The following KLHL28 variants were observed in gnomAD, a reference collection of about 807,000 sequenced individuals.
KLHL28 encodes kelch like family member 28.
In KLHL28, 22 loss-of-function variants were observed where a neutral mutation model predicts 48.3. The observed-to-expected ratio is 0.46, with a 90% CI of 0.33 to 0.65. The LOEUF is 0.65. Among genes scored for constraint, KLHL28 ranks in the 30% least tolerant of loss-of-function variants. KLHL28 has a pLI of 0.03. For synonymous variants in KLHL28, 243 were observed against 242.4 expected (o/e 1.00, Z -0.02); for missense variants, 527 against 704.3 (o/e 0.75, Z 2.85).
intron 3 of KLHL28, among the ~76,000 whole-genome samples, chr14:44,933,151 T>C (rs1883656924): frequency 6.6e-6 from 1 of 152,176 alleles, no homozygotes; most frequent in East Asian, 1.9e-4. Flanking sequence ...TTATTGTAAA[T>C]TTTTTCAAAT....
chr14:44,940,222 G>A (rs149068365), intron 2 of KLHL28, among the ~76,000 whole-genome samples: 27 of 152,304 alleles, frequency 1.8e-4, no homozygotes, highest in African/African-American at 5.8e-4. Context: ...CTTCATGAGA[G>A]CAGAGCCCTC....
chr14:44,951,919 A>C (rs1218523624), intron 1 of KLHL28, among the ~76,000 whole-genome samples: 1 of 151,968 alleles, frequency 6.6e-6, no homozygotes, highest in Non-Finnish European at 1.5e-5. Context: ...TGGTGGCGAG[A>C]TCTTAGCTTA....
intron 2 of KLHL28, among the ~76,000 whole-genome samples, chr14:44,936,187 C>G (rs1883818453): frequency 6.6e-6 from 1 of 151,742 alleles, no homozygotes; most frequent in African/African-American, 2.4e-5. Context: ...ATGATTTTTA[C>G]TATAATGAGT....
intron 1 of KLHL28, among the ~76,000 whole-genome samples, chr14:44,957,262 C>T (rs1272563244): frequency 6.6e-6 from 1 of 152,128 alleles, no homozygotes; most frequent in African/African-American, 2.4e-5. Flanking sequence ...AATAGATGTT[C>T]ATCATATTGT....
chr14:44,945,347 G>C lies in KLHL28; in HGVS notation c.582C>G (p.Thr194=). The change falls in exon 2 of 5, where the codon ACC becomes ACG. Residue 194 remains threonine (T), a synonymous_variant. Coordinates refer to ENST00000396128, the MANE Select transcript of KLHL28 (RefSeq NM_017658.5). ...CTAATGCATAAAAAACAGTCTCTTCGGTAGCTACATTCAAACAGTCATTGG... is the reference window on the plus strand; with the variant it reads ...CTAATGCATAAAAAACAGTCTCTTCCGTAGCTACATTCAAACAGTCATTGG... The part of the protein sequence containing the change: ...IVSNDCLNVA[T]EETVFYALES... 6.2e-7 allele frequency: 1 copy of C among 1,613,962 alleles called. No homozygotes were observed. Among genetic ancestry groups the C allele is most frequent in the Non-Finnish European group, 8.5e-7 (1 of 1,179,978 alleles).
chr14:44,931,282 A>C (rs1883576053), intron 4 of KLHL28, 51 bp downstream of exon 4: 1 of 1,187,576 alleles, frequency 8.4e-7, no homozygotes, highest in Non-Finnish European at 1.2e-6. Flanking sequence ...CAAGCACATC[A>C]TTATAGAAAA....
intron 4 of KLHL28, among the ~76,000 whole-genome samples, chr14:44,930,749 A>G (rs1358628444): frequency 6.6e-6 from 1 of 152,202 alleles, no homozygotes; most frequent in Non-Finnish European, 1.5e-5. Context: ...GAAATATTCA[A>G]TCTGTATGAG....
At chr14:44,948,034 A>G (rs181659611) in intron 1 of KLHL28, among the ~76,000 whole-genome samples, 2 of 152,304 alleles carry the variant, frequency 1.3e-5, no homozygotes, top group African/African-American at 4.8e-5. Flanking sequence ...TCCAGTGTTG[A>G]TCTTTTTAAC....
At chr14:44,961,397 G>GA (rs1198668038) in intron 1 of KLHL28, among the ~76,000 whole-genome samples, 3 of 151,746 alleles carry the variant, frequency 2.0e-5, no homozygotes, top group African/African-American at 2.4e-5. Flanking sequence ...GCTACAGGGG[G>GA]AAAAAAACAG....
chr14:44,933,722 C>A (rs1883682175), intron 3 of KLHL28, among the ~76,000 whole-genome samples: 2 of 152,060 alleles, frequency 1.3e-5, no homozygotes, highest in Admixed American at 1.3e-4. Flanking sequence ...TTATGATGTG[C>A]TATAATATTG....
chr14:44,956,568 C>A (rs1339781092), intron 1 of KLHL28, among the ~76,000 whole-genome samples: 1 of 151,992 alleles, frequency 6.6e-6, no homozygotes, highest in East Asian at 1.9e-4. Context: ...CAGAAAGATG[C>A]AATTAGCAAA....
At chr14:44,944,145 GT>G (rs2138626213) in intron 2 of KLHL28, among the ~76,000 whole-genome samples, 1 of 152,230 alleles carries the variant, frequency 6.6e-6, no homozygotes, top group South Asian at 2.1e-4. Context: ...AAACACAAAA[GT>G]TTTCATGAAG....
chr14:44,941,937 G>A (rs553616026), intron 2 of KLHL28, among the ~76,000 whole-genome samples: 1 of 152,202 alleles, frequency 6.6e-6, no homozygotes, highest in Admixed American at 6.5e-5. Flanking sequence ...GGCAAAAGGA[G>A]GAACATTTAA....
Position 44,925,259 on chromosome 14 carries a change from G to A in KLHL28, c.*3769C>T, listed in dbSNP as rs1192820425. ...ATGAGCACTTAGGTGACAATACCAG[G>A]AATCCAACACCAAAACTGAAAATAA... On this transcript the variant is annotated 3_prime_UTR_variant, in exon 5 of 5. Coordinates refer to ENST00000396128, the MANE Select transcript of KLHL28 (RefSeq NM_017658.5). 1.3e-5 allele frequency: 2 copies of A among 151,976 alleles called. No homozygotes were observed. Among genetic ancestry groups the A allele is most frequent in the African/African-American group, 4.8e-5 (2 of 41,412 alleles). 9.4% of individuals were successfully genotyped at this position (151,976 alleles called of 1,614,324 possible). A position where few individuals can be genotyped will look rare whatever the true frequency, so the allele number is the denominator to read the frequency against.
At chr14:44,934,038 TTAA>T (rs1377949216) in intron 3 of KLHL28, 74 bp downstream of exon 3, 7 of 1,209,086 alleles carry the variant, frequency 5.8e-6, no homozygotes, top group Non-Finnish European at 8.1e-6. Flanking sequence ...CACAAATTGT[TTAA>T]AACTCAGAAA....
chr14:44,934,877 G>C (rs899140940), intron 2 of KLHL28, among the ~76,000 whole-genome samples: 1 of 152,080 alleles, frequency 6.6e-6, no homozygotes, highest in African/African-American at 2.4e-5. Context: ...TCTTCTGAAT[G>C]TCTATTATAA....
In KLHL28 at chr14:44,929,070, G is replaced by C. The variant is rs770700911; in HGVS notation, c.1674C>G (p.Gly558=). The C allele has an allele frequency of 2.5e-6, 4 of 1,613,814 alleles. No homozygotes were observed. ...PISDTWLDSA[G]MIYCRCNFGL... Reference sequence around the variant, plus strand: ...CAAAGTTGCAGCGACAGTATATCATGCCAGCTGAATCCAGCCACGTATCTG... The same window carrying C: ...CAAAGTTGCAGCGACAGTATATCATCCCAGCTGAATCCAGCCACGTATCTG... The change falls in exon 5 of 5, where the codon GGC becomes GGG. Residue 558 remains glycine, a synonymous_variant. Coordinates refer to ENST00000396128, the MANE Select transcript of KLHL28 (RefSeq NM_017658.5).
In KLHL28 at chr14:44,926,831, C is replaced by G. The variant is rs1408689883; in HGVS notation, c.*2197G>C. On this transcript the variant is annotated 3_prime_UTR_variant, in exon 5 of 5. Coordinates refer to ENST00000396128, the MANE Select transcript of KLHL28 (RefSeq NM_017658.5). ...CCTAAAATCATTTTCCACAGTCTTT[C>G]AAATTCCCTTATCTTTTGGGAATAG... 6.6e-6 allele frequency: 1 copy of G among 152,146 alleles called. No individual in the cohort carries two copies. The highest frequency in any genetic ancestry group is 2.4e-5 in the African/African-American group (1 of 41,426). The allele number at this position is 152,146 out of a possible 1,614,324, so 9.4% of individuals were successfully genotyped here. A position where few individuals can be genotyped will look rare whatever the true frequency, so the allele number is the denominator to read the frequency against.
chr14:44,938,533 A>G (rs531817184), intron 2 of KLHL28, among the ~76,000 whole-genome samples: 92 of 151,922 alleles, frequency 6.1e-4, no homozygotes, highest in Non-Finnish European at 1.2e-3. Flanking sequence ...CACCACGCCC[A>G]GCTAATTTTT....
Sources: allele counts gnomAD v4.1 joint callset (sites outside exome capture counted in the v4.1 genomes callset), GRCh38; gene constraint gnomAD v4.1.1; transcripts MANE v1.5; gene names NCBI Gene and HGNC (gene_info 2026-07-23, HGNC 2026-07-21).